USP39: variants seen among roughly 807,000 people sequenced by gnomAD.
The protein encoded by USP39 is ubiquitin carboxyl-terminal hydrolase 39.
A neutral mutation model predicts 66.4 loss-of-function variants in USP39; 38 were observed. The ratio of observed to expected loss-of-function variants is 0.57; its 90% CI spans 0.44 to 0.75. The LOEUF is 0.75. Ranked by LOEUF, USP39 falls within the 30% of genes least tolerant of loss-of-function variation. The pLI is 0.00. For synonymous variants in USP39, 303 were observed against 274.6 expected, an observed-to-expected ratio of 1.10 and a Z score of -1.02; for missense variants, 608 against 714.4, an observed-to-expected ratio of 0.85 and a Z score of 1.70.
In USP39 at chr2:85,619,306, T is replaced by C. The variant is rs1394086276; in HGVS notation, c.338+17T>C. Reference sequence around the variant, plus strand: ...CATTAACAGGTCAGTAGGACAGAGATGCTGAGTATAGCACAAGAACAATGG... The same window carrying C: ...CATTAACAGGTCAGTAGGACAGAGACGCTGAGTATAGCACAAGAACAATGG... On this transcript the variant is annotated intron_variant, in intron 2 of 12. Coordinates refer to ENST00000323701, the MANE Select transcript of USP39 (RefSeq NM_006590.4). 1.2e-6 allele frequency: 2 copies of C among 1,611,296 alleles called. No individual in the cohort carries two copies. Among genetic ancestry groups the C allele is most frequent in the Non-Finnish European group, 1.7e-6 (2 of 1,178,770 alleles).
intron 11 of USP39, among the ~76,000 whole-genome samples, chr2:85,645,650 C>A (rs1280483309): frequency 1.3e-5 from 2 of 152,132 alleles, no homozygotes; most frequent in Admixed American, 6.6e-5. Context: ...TCAGCTGGGG[C>A]AGAGGCCAGG....
chr2:85,631,040 A>C (rs915326612), intron 6 of USP39, 94 bp downstream of exon 6: 12 of 1,170,380 alleles, frequency 1.0e-5, no homozygotes, highest in African/African-American at 1.5e-5. Context: ...TTTGAGATGG[A>C]GTCTCACTCT....
intron 5 of USP39, among the ~76,000 whole-genome samples, chr2:85,629,589 C>T (rs949795916): frequency 1.3e-5 from 2 of 150,750 alleles, no homozygotes; most frequent in East Asian, 2.0e-4. Flanking sequence ...CTCCGCCTCC[C>T]GGGTTCAAGT....
upstream of USP39, chr2:85,611,739 CTCACCTTCTCCTTGGCCGCCTGCT>C (rs767302878): frequency 1.9e-6 from 3 of 1,610,542 alleles, no homozygotes; most frequent in East Asian, 2.2e-5. Context: ...GTGCCGCCTC[CTCACCTTCTCCTTGGCCGCCTGCT>C]TCACCTTCTT....
chr2:85,629,843 T>C (rs1675189250), intron 5 of USP39, among the ~76,000 whole-genome samples: 1 of 151,884 alleles, frequency 6.6e-6, no homozygotes, highest in South Asian at 2.1e-4. Flanking sequence ...TAAAAAAAAT[T>C]TTGGCTGGGC....
chr2:85,628,238 C>T (rs1675026403), intron 5 of USP39, among the ~76,000 whole-genome samples: 2 of 152,094 alleles, frequency 1.3e-5, no homozygotes, highest in South Asian at 4.1e-4. Flanking sequence ...CTCTGCCTCC[C>T]AGGTTCAAGC....
chr2:85,611,863 A>G (rs1445464999), upstream of USP39: 5 of 1,597,848 alleles, frequency 3.1e-6, no homozygotes, highest in Middle Eastern at 1.7e-4. Flanking sequence ...GCGGCGGCGC[A>G]GGGCGGGGCG....
intron 1 of USP39, among the ~76,000 whole-genome samples, 194 bp downstream of exon 1, chr2:85,616,657 A>G (rs1673991478): frequency 6.8e-6 from 1 of 147,768 alleles, no homozygotes; most frequent in African/African-American, 2.5e-5. Context: ...CTTCTCAATA[A>G]TCGTATAGTA....
At chr2:85,615,716 C>T (rs1423041293), upstream of USP39, among the ~76,000 whole-genome samples, 3 of 152,172 alleles carry the variant, frequency 2.0e-5, no homozygotes, top group African/African-American at 7.2e-5. Flanking sequence ...CCGCAACCTC[C>T]GCCTCCTGGG....
chr2:85,605,706 G>T (rs1382317214), intron 1 of USP39, among the ~76,000 whole-genome samples: 2 of 152,120 alleles, frequency 1.3e-5, no homozygotes, highest in Admixed American at 6.6e-5. Context: ...GCCTGCTTGG[G>T]ATCCATTACC....
rs573708460 is a variant in USP39, at chr2:85,618,828, G to A, written c.269-392G>A. 5.4e-3 allele frequency among the ~76,000 whole-genome samples: 825 copies of A among 151,634 alleles called. 5 individuals are homozygous for A. The highest frequency in any genetic ancestry group is 8.8e-3 in the Admixed American group (134 of 15,224). On this transcript the variant is annotated intron_variant, in intron 1 of 12. Transcript: ENST00000323701. ...CTTGTCGCCCAGGCTGGAGTGCAGC[G>A]GTACGATCTCTGCTCACTGCAACCG...
chr2:85,625,399 A>G, intron 4 of USP39, 140 bp from the exon 5 acceptor site: 1 of 1,029,086 alleles, frequency 9.7e-7, no homozygotes, highest in Non-Finnish European at 1.4e-6. Flanking sequence ...CAATCTTTAC[A>G]CCTACTGGTT....
chr2:85,611,683 G>A (rs2104167497), upstream of USP39: 3 of 1,570,476 alleles, frequency 1.9e-6, no homozygotes, highest in African/African-American at 1.3e-5. Flanking sequence ...TGTCGCGGCA[G>A]GTACACCTGC....
chr2:85,636,529 CAG>C (rs1411369226), intron 7 of USP39, among the ~76,000 whole-genome samples: 2 of 152,054 alleles, frequency 1.3e-5, no homozygotes, highest in African/African-American at 2.4e-5. Flanking sequence ...TATTTTGAGA[CAG>C]AGTCTTGCTC....
intron 7 of USP39, 84 bp from the exon 8 acceptor site, chr2:85,637,285 T>G (rs968630803): frequency 6.7e-7 from 1 of 1,495,652 alleles, no homozygotes; most frequent in African/African-American, 1.4e-5. Flanking sequence ...TGCTGGTTTA[T>G]TTCAGAAATT....
At chr2:85,644,871 G>T (rs775033627) in intron 10 of USP39, 77 bp from the exon 11 acceptor site, 2 of 1,572,532 alleles carry the variant, frequency 1.3e-6, no homozygotes, top group Admixed American at 1.8e-5. Flanking sequence ...CAATTTTGTG[G>T]TCCGTTTGTG....
At chr2:85,611,867 C>G (rs1573379456), upstream of USP39, 1 of 1,597,284 alleles carries the variant, frequency 6.3e-7, no homozygotes, top group Non-Finnish European at 8.5e-7. Context: ...CGGCGCAGGG[C>G]GGGGCGGTAC....
upstream of USP39, chr2:85,612,038 C>T: frequency 7.7e-7 from 1 of 1,307,058 alleles, no homozygotes; most frequent in Non-Finnish European, 1.0e-6. Context: ...ACAACAGCCA[C>T]CCGCCCACAG....
chr2:85,609,613 G>A (rs754429802), upstream of USP39: 2 of 1,612,762 alleles, frequency 1.2e-6, no homozygotes, highest in South Asian at 1.1e-5. Flanking sequence ...CAGTAAGAAA[G>A]AAGAGGGGGG....
Sources: allele counts gnomAD v4.1 joint callset (sites outside exome capture counted in the v4.1 genomes callset), GRCh38; gene constraint gnomAD v4.1.1; transcripts MANE v1.5; gene names NCBI Gene and HGNC (gene_info 2026-07-23, HGNC 2026-07-21).